Variants in DOK6 observed in about 807,000 individuals in gnomAD.
DOK6 encodes the protein downstream of tyrosine kinase 6.
Under a neutral mutation model 44.0 loss-of-function variants are expected in DOK6, and 22 were observed. The ratio of observed to expected loss-of-function variants is 0.50; its 90% CI spans 0.36 to 0.71. DOK6 has a LOEUF of 0.71. Ranked by LOEUF, DOK6 falls within the 30% of genes least tolerant of loss-of-function variation. The pLI, the probability that DOK6 is intolerant of heterozygous loss-of-function variation, is 0.00. For synonymous variants in DOK6, 166 were observed against 145.5 expected (o/e 1.14, Z -1.01); for missense variants, 340 against 416.4 (o/e 0.82, Z 1.60).
At chr18:69,553,291 A>G (rs1007385595) in intron 1 of DOK6, among the ~76,000 whole-genome samples, 1 of 152,218 alleles carries the variant, frequency 6.6e-6, no homozygotes, top group African/African-American at 2.4e-5. Context: ...AGTCTATTCT[A>G]AAGACTAAGT....
At chr18:69,809,814 T>C (rs1229227738) in intron 7 of DOK6, among the ~76,000 whole-genome samples, 8 of 151,790 alleles carry the variant, frequency 5.3e-5, no homozygotes, top group African/African-American at 1.2e-4. Context: ...CCACATAACA[T>C]TGATGAAAGA....
At chr18:69,802,187 C>T (rs916562209) in intron 7 of DOK6, among the ~76,000 whole-genome samples, 7 of 152,072 alleles carry the variant, frequency 4.6e-5, no homozygotes, top group African/African-American at 1.2e-4. Context: ...TCACAAGGCC[C>T]CTGAGAACAG....
intron 5 of DOK6, among the ~76,000 whole-genome samples, chr18:69,702,579 C>T (rs549626022): frequency 6.6e-6 from 1 of 152,254 alleles, no homozygotes; most frequent in African/African-American, 2.4e-5. Flanking sequence ...AAATATACCC[C>T]AATTTCAGAA....
chr18:69,584,045 T>C (rs28470190), intron 2 of DOK6, among the ~76,000 whole-genome samples: 11,733 of 146,980 alleles, frequency 0.08, 528 homozygotes, highest in Middle Eastern at 0.19. Flanking sequence ...GAGGCGGAGC[T>C]TGCAGTGAGC....
intron 1 of DOK6, among the ~76,000 whole-genome samples, chr18:69,472,042 T>C (rs1980128112): frequency 2.0e-5 from 3 of 152,206 alleles, no homozygotes; most frequent in Admixed American, 6.5e-5. Flanking sequence ...GGGCTTTACA[T>C]GCATTATCTC....
chr18:69,483,897 A>C (rs1230644576), intron 1 of DOK6: 1 of 151,996 alleles, frequency 6.6e-6, no homozygotes, highest in African/African-American at 2.4e-5. Context: ...GATTAATATA[A>C]TTTTTCCATC....
intron 1 of DOK6, among the ~76,000 whole-genome samples, chr18:69,413,666 T>A (rs575221247): frequency 7.2e-5 from 11 of 151,932 alleles, no homozygotes; most frequent in African/African-American, 2.4e-4. Flanking sequence ...TGGAAAAACA[T>A]TAGAAGAAAA....
rs528290848 is a variant in DOK6 at position 69,757,838 on chromosome 18, G to A, written c.821G>A (p.Arg274His). The A allele has an allele frequency of 3.2e-5, 52 of 1,614,102 alleles. No individual in the cohort carries two copies. The Middle Eastern group carries it at 5.0e-4, about 15-fold the overall frequency. Residue 274 changes from arginine (R) to histidine (H), a missense_variant, in exon 7 of 8, where the codon CGT becomes CAT. This residue lies in a region of DOK6 where 112 missense variants were observed against 109.3 expected (regional missense o/e 1.02). Transcript: ENST00000382713. ...PRSAYWHHITRQNSVGEIYSL... is the reference protein window; with the variant it reads ...PRSAYWHHITHQNSVGEIYSL... Reference sequence around the variant, plus strand: ...AGCGCGTACTGGCATCACATCACTCGTCAGAACAGCGTTGGTGAAATCTAC... The same window carrying A: ...AGCGCGTACTGGCATCACATCACTCATCAGAACAGCGTTGGTGAAATCTAC...
At chr18:69,830,146 T>G (rs1981860860) in intron 7 of DOK6, among the ~76,000 whole-genome samples, 2 of 152,072 alleles carry the variant, frequency 1.3e-5, no homozygotes, top group South Asian at 4.1e-4. Flanking sequence ...ATTATGTACA[T>G]TAATTATGTT....
chr18:69,691,539 A>G (rs997798095), intron 4 of DOK6, among the ~76,000 whole-genome samples: 4 of 152,126 alleles, frequency 2.6e-5, no homozygotes, highest in African/African-American at 9.7e-5. Flanking sequence ...AGTGTTCAAG[A>G]GAGTTTGGGG....
chr18:69,638,778 T>A (rs1984870535), intron 3 of DOK6, among the ~76,000 whole-genome samples: 1 of 152,236 alleles, frequency 6.6e-6, no homozygotes, highest in South Asian at 2.1e-4. Flanking sequence ...AAGGATTTGA[T>A]GCCTGTTTAA....
intron 1 of DOK6, among the ~76,000 whole-genome samples, chr18:69,459,292 A>G (rs1979724218): frequency 6.6e-6 from 1 of 151,590 alleles, no homozygotes; most frequent in African/African-American, 2.4e-5. Flanking sequence ...AGTAACCCCT[A>G]AAATTAGCCT....
chr18:69,790,021 G>A (rs901739500), intron 7 of DOK6, among the ~76,000 whole-genome samples: 3 of 152,102 alleles, frequency 2.0e-5, no homozygotes, highest in Admixed American at 6.6e-5. Context: ...TTGCTACAAT[G>A]GAGTAACAAG....
At chr18:69,763,318 G>T (rs1422816844) in intron 7 of DOK6, among the ~76,000 whole-genome samples, 2 of 152,242 alleles carry the variant, frequency 1.3e-5, no homozygotes, top group African/African-American at 4.8e-5. Context: ...AAGGATAGTT[G>T]ATTTGTATTT....
intron 1 of DOK6, among the ~76,000 whole-genome samples, chr18:69,460,003 A>C (rs1235695775): frequency 6.6e-6 from 1 of 152,168 alleles, no homozygotes; most frequent in East Asian, 1.9e-4. Flanking sequence ...AATTTATCTC[A>C]TTAGTCGTTT....
intron 1 of DOK6, among the ~76,000 whole-genome samples, chr18:69,523,917 C>T (rs992321918): frequency 1.3e-5 from 2 of 151,946 alleles, no homozygotes; most frequent in African/African-American, 4.8e-5. Context: ...GATCTAAAAG[C>T]TAAATATTGA....
At chr18:69,543,428 A>C (rs1329117909) in intron 1 of DOK6, among the ~76,000 whole-genome samples, 1 of 151,628 alleles carries the variant, frequency 6.6e-6, no homozygotes, top group Non-Finnish European at 1.5e-5. Context: ...CAAAGAAACA[A>C]GGATGAAGGA....
intron 3 of DOK6, among the ~76,000 whole-genome samples, chr18:69,621,310 C>G (rs553873266): frequency 1.2e-4 from 18 of 152,274 alleles, no homozygotes; most frequent in African/African-American, 4.3e-4. Flanking sequence ...TTGTTACTGA[C>G]TGAGACTCAG....
At chr18:69,736,847 T>C (rs1005309746) in intron 5 of DOK6, among the ~76,000 whole-genome samples, 7 of 152,196 alleles carry the variant, frequency 4.6e-5, no homozygotes, top group African/African-American at 1.7e-4. Context: ...TGGTGACCTG[T>C]GGAGAAGGTT....
Sources: gnomAD v4.1 joint callset for allele counts (sites outside exome capture counted in the v4.1 genomes callset) on GRCh38, gnomAD v4.1.1 for gene constraint, gnomAD v4.1.1 regional missense constraint, MANE v1.5 for transcripts, NCBI Gene and HGNC (gene_info 2026-07-23, HGNC 2026-07-21) for gene names.